ZNF407: variants seen among roughly 807,000 people sequenced by gnomAD.
ZNF407 encodes zinc finger protein 407.
ZNF407 carries 17 observed loss-of-function variants against 131.2 expected under a neutral mutation model. That is an observed-to-expected ratio of 0.13 (90% confidence interval 0.09 to 0.19). The LOEUF (loss-of-function observed/expected upper bound fraction) is 0.19, where lower values mean the gene tolerates loss of function less well. Ranked by LOEUF, ZNF407 falls within the 10% of genes least tolerant of loss-of-function variation. ZNF407 has a pLI of 1.00. For missense variants in ZNF407, 2,681 were observed against 2,830.6 expected (o/e 0.95, Z 1.20); for synonymous variants, 1,156 against 1,062.0 (o/e 1.09, Z -1.72).
In ZNF407 at chr18:74,702,675, G is replaced by A. The variant is rs147695325; in HGVS notation, c.4802+61553G>A. ...TGGTTAAATGGTTTATCAATCAGAA[G>A]CAGCATAGCATATACTCACATTTAT... On this transcript the variant is annotated intron_variant, in intron 3 of 8. Coordinates refer to ENST00000299687, the MANE Select transcript of ZNF407 (RefSeq NM_017757.3). Among the ~76,000 whole-genome samples the A allele has an allele frequency of 2.0e-3, 307 of 152,116 alleles. 4 individuals carry two copies. Among genetic ancestry groups the A allele is most frequent in the Admixed American group, 0.018 (271 of 15,290 alleles).
intron 4 of ZNF407, among the ~76,000 whole-genome samples, chr18:74,870,770 T>C (rs1971075397): frequency 6.6e-6 from 1 of 152,228 alleles, no homozygotes; most frequent in African/African-American, 2.4e-5. Flanking sequence ...GAGTACCTTT[T>C]TGATTATTAA....
At chr18:75,020,687 T>C (rs1316157519) in intron 8 of ZNF407, among the ~76,000 whole-genome samples, 1 of 152,164 alleles carries the variant, frequency 6.6e-6, no homozygotes. Context: ...CCATTCACAA[T>C]TGTAACAAAG....
intron 8 of ZNF407, among the ~76,000 whole-genome samples, chr18:74,930,341 C>T (rs1024412349): frequency 1.4e-4 from 21 of 152,246 alleles, no homozygotes; most frequent in Middle Eastern, 6.8e-3. Context: ...TCCGCCTGGC[C>T]CATGGAGTGA....
Position 74,976,537 on chromosome 18 carries a change from G to A in ZNF407, c.5428+55845G>A, listed in dbSNP as rs954593304. 1.4e-4 allele frequency among the ~76,000 whole-genome samples: 22 copies of A among 152,178 alleles called. 1 individual carries two copies. The highest frequency in any genetic ancestry group is 4.8e-4 in the African/African-American group (20 of 41,434). ...AGTTAGGGCAATTGGCACAAAGACCGAGAGCTTTTGGAACTAAATAAACAA... is the reference window on the plus strand; with the variant it reads ...AGTTAGGGCAATTGGCACAAAGACCAAGAGCTTTTGGAACTAAATAAACAA... On this transcript the variant is annotated intron_variant, in intron 8 of 8. Transcript: ENST00000299687.
intron 7 of ZNF407, among the ~76,000 whole-genome samples, chr18:74,900,600 A>G (rs1971511423): frequency 6.6e-6 from 1 of 152,168 alleles, no homozygotes; most frequent in Non-Finnish European, 1.5e-5. Context: ...AAACTGCGAC[A>G]TCTTTTCTGT....
intron 4 of ZNF407, among the ~76,000 whole-genome samples, chr18:74,791,455 G>T (rs1478995657): frequency 1.3e-5 from 2 of 152,182 alleles, no homozygotes; most frequent in African/African-American, 2.4e-5. Flanking sequence ...GCATTGGGCA[G>T]TAAGCCTATC....
chr18:74,889,779 C>A, intron 6 of ZNF407, 139 bp from the exon 7 acceptor site: 1 of 706,740 alleles, frequency 1.4e-6, no homozygotes, highest in African/African-American at 1.8e-5. Flanking sequence ...TTCAAATGTC[C>A]TAAGTGTGTG....
In ZNF407 at chr18:74,631,064, G is replaced by T; in HGVS notation, c.45G>T (p.Lys15Asn). Reference protein sequence around the residue: ...ENKPENDEDEKINKEAQDLTK... With the variant: ...ENKPENDEDENINKEAQDLTK... ...AACCCGAAAATGATGAGGATGAAAA[G>T]ATAAACAAAGAAGCACAAGACTTGA... The change falls in exon 2 of 9, where the codon AAG becomes AAT. Residue 15 changes from lysine to asparagine, a missense_variant. Lys to Asn is a moderately conservative substitution (Grantham distance 94). This residue lies in a region of ZNF407 where 1,789 missense variants were observed against 1,748.7 expected (regional missense o/e 1.02). Coordinates refer to ENST00000299687, the MANE Select transcript of ZNF407 (RefSeq NM_017757.3). 1.9e-6 allele frequency: 3 copies of T among 1,612,124 alleles called. No individual in the cohort carries two copies. Among genetic ancestry groups the T allele is most frequent in the Non-Finnish European group, 2.5e-6 (3 of 1,179,390 alleles).
At chr18:74,933,651 T>C (rs539820440) in intron 8 of ZNF407, among the ~76,000 whole-genome samples, 1 of 152,342 alleles carries the variant, frequency 6.6e-6, no homozygotes, top group South Asian at 2.1e-4. Flanking sequence ...TTAGAAGATA[T>C]TAAATACATC....
intron 3 of ZNF407, among the ~76,000 whole-genome samples, chr18:74,704,693 G>T (rs542022918): frequency 2.6e-5 from 4 of 152,162 alleles, no homozygotes; most frequent in Non-Finnish European, 5.9e-5. Flanking sequence ...GAATTTTGTC[G>T]CTTAAGTTGC....
intron 3 of ZNF407, among the ~76,000 whole-genome samples, chr18:74,711,707 A>G (rs1967766420): frequency 6.6e-6 from 1 of 152,122 alleles, no homozygotes; most frequent in South Asian, 2.1e-4. Context: ...GTTATTCATT[A>G]GCTTATTTTA....
At chr18:74,953,140 G>A (rs932525051) in intron 8 of ZNF407, among the ~76,000 whole-genome samples, 1 of 152,104 alleles carries the variant, frequency 6.6e-6, no homozygotes. Context: ...AGGACTGCGT[G>A]GAAATGAGAC....
intron 7 of ZNF407, among the ~76,000 whole-genome samples, chr18:74,915,339 T>TGTGTGTGTGTGTGTGC (rs1555699552): frequency 4.2e-4 from 64 of 150,660 alleles, no homozygotes; most frequent in African/African-American, 1.4e-3. Flanking sequence ...TGTGTGTGTG[T>TGTGTGTGTGTGTGTGC]GTGTGTGTGT....
chr18:74,846,155 A>G (rs1280854671), intron 4 of ZNF407, among the ~76,000 whole-genome samples: 3 of 152,222 alleles, frequency 2.0e-5, no homozygotes, highest in African/African-American at 7.2e-5. Context: ...ATGGTCTATT[A>G]CAATCTTATA....
At chr18:74,943,790 G>A (rs1305879607) in intron 8 of ZNF407, among the ~76,000 whole-genome samples, 1 of 152,126 alleles carries the variant, frequency 6.6e-6, no homozygotes, top group African/African-American at 2.4e-5. Flanking sequence ...TGGACCGCGA[G>A]CCCAATAATT....
At chr18:74,808,953 ACCT>A (rs553769272) in intron 4 of ZNF407, among the ~76,000 whole-genome samples, 1 of 152,100 alleles carries the variant, frequency 6.6e-6, no homozygotes, top group Non-Finnish European at 1.5e-5. Flanking sequence ...AGAATTTTTC[ACCT>A]CCTCCTCCTC....
At chr18:74,983,939 A>G (rs760542741) in intron 8 of ZNF407, among the ~76,000 whole-genome samples, 3 of 152,358 alleles carry the variant, frequency 2.0e-5, no homozygotes, top group African/African-American at 4.8e-5. Flanking sequence ...TGGCAGGTCT[A>G]TCTCATTTGA....
chr18:74,883,034 C>T lies in ZNF407; in HGVS notation c.5128+1915C>T, dbSNP rs1291332750. Among the ~76,000 whole-genome samples, 4 of 152,316 alleles carry T rather than the reference C, an allele frequency of 2.6e-5. No homozygotes were observed. In the South Asian group the frequency reaches 6.2e-4, roughly 24 times the overall value. ...AGTGGAGACAGGAATGCTGTGATCA[C>T]GGGCATCCCAGTGATAGATCGATCA... is the stretch of plus-strand genomic sequence containing the variant. On this transcript the variant is annotated intron_variant, in intron 6 of 8. Coordinates refer to ENST00000299687, the MANE Select transcript of ZNF407 (RefSeq NM_017757.3).
chr18:74,719,722 G>A (rs575045667), intron 3 of ZNF407, among the ~76,000 whole-genome samples: 2 of 152,268 alleles, frequency 1.3e-5, no homozygotes, highest in South Asian at 4.1e-4. Flanking sequence ...ACTTCTATGC[G>A]ATCATCTTTT....
Sources: gnomAD v4.1 joint callset for allele counts (sites outside exome capture counted in the v4.1 genomes callset) on GRCh38, gnomAD v4.1.1 for gene constraint, gnomAD v4.1.1 regional missense constraint, MANE v1.5 for transcripts, NCBI Gene and HGNC (gene_info 2026-07-23, HGNC 2026-07-21) for gene names.